KCNK13: variants seen among roughly 807,000 people sequenced by gnomAD.
The protein encoded by KCNK13 is potassium channel subfamily K member 13.
KCNK13 carries 12 observed loss-of-function variants against 23.4 expected under a neutral mutation model. The ratio of observed to expected loss-of-function variants is 0.51; its 90% confidence interval spans 0.33 to 0.83. The LOEUF is 0.83. Ranked by LOEUF, KCNK13 falls within the 40% of genes least tolerant of loss-of-function variation. The pLI is 0.02. For synonymous variants in KCNK13, 231 were observed against 229.5 expected (o/e 1.01, Z -0.06); for missense variants, 463 against 556.3 (o/e 0.83, Z 1.69).
chr14:90,067,300 T>C (rs1278747771), intron 1 of KCNK13, among the ~76,000 whole-genome samples: 1 of 152,138 alleles, frequency 6.6e-6, no homozygotes. Context: ...AATTTTGATA[T>C]ATGCTGTAAC....
At chr14:90,069,168 C>T (rs1889045265) in intron 1 of KCNK13, among the ~76,000 whole-genome samples, 1 of 150,996 alleles carries the variant, frequency 6.6e-6, no homozygotes, top group Admixed American at 6.6e-5. Flanking sequence ...TCCTGAGTAG[C>T]TGGGATTACA....
At chr14:90,087,154 A>ATATATATTTT (rs1282261147) in intron 1 of KCNK13, among the ~76,000 whole-genome samples, 35 of 107,644 alleles carry the variant, frequency 3.3e-4, no homozygotes, top group African/African-American at 1.3e-3. Flanking sequence ...ATATATATAT[A>ATATATATTTT]TTTTTTTTTT....
chr14:90,107,068 A>T (rs1051010952), intron 1 of KCNK13, among the ~76,000 whole-genome samples: 13 of 152,160 alleles, frequency 8.5e-5, no homozygotes, highest in African/African-American at 3.1e-4. Flanking sequence ...TCTGACTATA[A>T]TGAAGCGCTC....
intron 1 of KCNK13, among the ~76,000 whole-genome samples, chr14:90,064,243 AT>A (rs979226419): frequency 1.3e-5 from 2 of 152,056 alleles, no homozygotes; most frequent in African/African-American, 4.8e-5. Flanking sequence ...CAAGTACAGG[AT>A]TTTTTTAGAT....
At chr14:90,070,746 T>C (rs1889063771) in intron 1 of KCNK13, among the ~76,000 whole-genome samples, 1 of 152,222 alleles carries the variant, frequency 6.6e-6, no homozygotes, top group Non-Finnish European at 1.5e-5. Context: ...TTTAAAGCAC[T>C]TTAATGTGTT....
intron 1 of KCNK13, among the ~76,000 whole-genome samples, chr14:90,092,869 GC>G (rs1438494150): frequency 4.4e-5 from 6 of 136,216 alleles, no homozygotes; most frequent in Non-Finnish European, 9.1e-5. Context: ...CCATGACCAT[GC>G]CACTGCACTC....
intron 1 of KCNK13, among the ~76,000 whole-genome samples, chr14:90,171,640 A>G (rs1000975257): frequency 6.6e-6 from 1 of 152,214 alleles, no homozygotes; most frequent in Non-Finnish European, 1.5e-5. Context: ...AAGTGGGACA[A>G]CTTAAGCAAA....
intron 1 of KCNK13, among the ~76,000 whole-genome samples, chr14:90,099,142 C>T (rs370361763): frequency 1.3e-4 from 19 of 151,874 alleles, no homozygotes; most frequent in East Asian, 7.7e-4. Context: ...CGTTTTTGTG[C>T]GATTCTTCCC....
chr14:90,068,153 C>G (rs2140387202), intron 1 of KCNK13, among the ~76,000 whole-genome samples: 1 of 152,230 alleles, frequency 6.6e-6, no homozygotes, highest in South Asian at 2.1e-4. Context: ...GCCACCACCA[C>G]CTGCAAGTAG....
At chr14:90,122,233 A>G (rs192642986) in intron 1 of KCNK13, among the ~76,000 whole-genome samples, 3 of 152,066 alleles carry the variant, frequency 2.0e-5, no homozygotes, top group South Asian at 2.1e-4. Context: ...CTATTTCTGT[A>G]TTTAGCAGCT....
intron 1 of KCNK13, among the ~76,000 whole-genome samples, chr14:90,150,108 G>A (rs74080615): frequency 0.065 from 9,893 of 152,196 alleles, 417 homozygotes; most frequent in South Asian, 0.21. Flanking sequence ...CAGAGATTTC[G>A]TGGAATTGTA....
chr14:90,063,836 A>G (rs763095197), intron 1 of KCNK13, among the ~76,000 whole-genome samples: 12 of 152,346 alleles, frequency 7.9e-5, no homozygotes, highest in South Asian at 2.1e-4. Context: ...CCAGGGCTTC[A>G]GCTGATGCAC....
At chr14:90,087,135 T>TATATAC (rs1889286843) in intron 1 of KCNK13, among the ~76,000 whole-genome samples, 1 of 110,894 alleles carries the variant, frequency 9.0e-6, no homozygotes, top group African/African-American at 3.4e-5. Flanking sequence ...TATACATATA[T>TATATAC]ATATATATAT....
At position 90,082,628 on chromosome 14, in the gene KCNK13, T is replaced by C. The variant is rs1287014082; in HGVS notation, c.334+20089T>C. Among the ~76,000 whole-genome samples, 27 of 152,362 alleles carry C rather than the reference T, an allele frequency of 1.8e-4. 1 individual carries two copies. The highest frequency in any genetic ancestry group is 1.7e-3 in the Admixed American group (26 of 15,294). On this transcript the variant is annotated intron_variant, in intron 1 of 1. Transcript: ENST00000282146. ...TTCTCTCCTTTTTGTTGCCAGATAA[T>C]ATTCTGCTACATGAATGTACCACAT...
chr14:90,062,371 CGCCTG>C lies in KCNK13; in HGVS notation c.170_174del (p.Leu57GlnfsTer125). The C allele has an allele frequency of 6.4e-7, 1 of 1,554,198 alleles. No homozygotes were observed. Among genetic ancestry groups the C allele is most frequent in the African/African-American group, 1.4e-5 (1 of 73,168 alleles). On this transcript the variant is annotated frameshift_variant, in exon 1 of 2. Transcript: ENST00000282146. LOFTEE classifies it high-confidence loss of function. The surrounding 1 kb of genome is among the most constrained non-coding windows in gnomAD (Gnocchi z 4.5). Reference sequence around the variant, plus strand: ...CCAGGCCAAGCAGCGCTGGGAGGAGCGCCTGGCCAACTTCAGCCGCGGCCACAACC... The same window carrying C: ...CCAGGCCAAGCAGCGCTGGGAGGAGCGCCAACTTCAGCCGCGGCCACAACC...
chr14:90,109,178 A>G (rs79845296), intron 1 of KCNK13, among the ~76,000 whole-genome samples: 20 of 143,088 alleles, frequency 1.4e-4, no homozygotes, highest in Non-Finnish European at 2.2e-4. Context: ...CTCCGTCTCA[A>G]AAAAAAAAAA....
At chr14:90,110,486 GAAA>G (rs11292418) in intron 1 of KCNK13, among the ~76,000 whole-genome samples, 1 of 135,760 alleles carries the variant, frequency 7.4e-6, no homozygotes, top group African/African-American at 2.7e-5. Context: ...TCTCAAAAAA[GAAA>G]AAAAAAAAAA....
In KCNK13 at chr14:90,124,560, G is replaced by T. The variant is rs999388505; in HGVS notation, c.335-59551G>T. Among the ~76,000 whole-genome samples the T allele has an allele frequency of 7.2e-5, 11 of 152,364 alleles. No homozygotes were observed. In the East Asian group the frequency reaches 2.1e-3, roughly 29 times the overall value. ...CTCAATAAGCCAGGAACTGGAGCTG[G>T]CAACAGCCTTCAGCTGATAGCCCAC... is the stretch of plus-strand genomic sequence containing the variant. On this transcript the variant is annotated intron_variant, in intron 1 of 1. Coordinates refer to ENST00000282146, the MANE Select transcript of KCNK13 (RefSeq NM_022054.4).
chr14:90,092,134 G>C (rs952556726), intron 1 of KCNK13, among the ~76,000 whole-genome samples: 1 of 152,196 alleles, frequency 6.6e-6, no homozygotes, highest in Non-Finnish European at 1.5e-5. Flanking sequence ...ATGTTAGCCA[G>C]GATGGTCTCC....
Sources: allele counts gnomAD v4.1 joint callset (sites outside exome capture counted in the v4.1 genomes callset), GRCh38; gene constraint gnomAD v4.1.1; non-coding constraint Gnocchi (gnomAD v3.1); transcripts MANE v1.5; gene names NCBI Gene and HGNC (gene_info 2026-07-23, HGNC 2026-07-21).